The following TMED5 variants were observed in gnomAD, a reference collection of about 807,000 sequenced individuals.
TMED5 encodes the protein transmembrane p24 trafficking protein 5.
In TMED5, 27 loss-of-function variants were observed where a neutral mutation model predicts 23.0. That is an observed-to-expected ratio of 1.17 (90% confidence interval 0.86 to 1.62). The LOEUF is 1.62. Ranked by LOEUF, TMED5 falls within the 40% of genes most tolerant of loss-of-function variation. The probability of loss-of-function intolerance (pLI) is 0.00; values close to 1 mark genes in which losing one functional copy is unlikely to be tolerated. For missense variants in TMED5, 248 were observed against 273.7 expected, an observed-to-expected ratio of 0.91 and a Z score of 0.66; for synonymous variants, 97 against 100.8, an observed-to-expected ratio of 0.96 and a Z score of 0.23.
intron 1 of TMED5, chr1:93,160,930 T>C (rs559551880): frequency 1.3e-5 from 2 of 151,468 alleles, no homozygotes; most frequent in Admixed American, 1.3e-4. Flanking sequence ...TAATTAACTG[T>C]TTCTTAGCCT....
intron 1 of TMED5, among the ~76,000 whole-genome samples, chr1:93,168,226 G>T (rs1254782439): frequency 6.6e-6 from 1 of 152,110 alleles, no homozygotes. Flanking sequence ...AGGGGGGAAA[G>T]ATGTAAAAAG....
rs949866437 is a variant in TMED5, at chr1:93,150,653, TTC to T, written c.*4015_*4016del. 2 of 152,234 alleles carry T rather than the reference TTC, an allele frequency of 1.3e-5. No individual in the cohort carries two copies. The highest frequency in any genetic ancestry group is 2.9e-5 in the Non-Finnish European group (2 of 68,042). The allele number at this position is 152,234 out of a possible 1,614,324, so 9.4% of individuals were successfully genotyped here. A position where few individuals can be genotyped will look rare whatever the true frequency, so the allele number is the denominator to read the frequency against. On this transcript the variant is annotated 3_prime_UTR_variant, in exon 4 of 4. Transcript: ENST00000370282. ...TTTATCATTTGGAACTGTCTTTTCT[TTC>T]TGCAATGGTATTACGTGTCCTTTTA...
intron 1 of TMED5, among the ~76,000 whole-genome samples, chr1:93,174,505 C>T (rs1031062922): frequency 2.0e-5 from 3 of 152,046 alleles, no homozygotes; most frequent in Admixed American, 6.6e-5. Context: ...TTATTTTAGG[C>T]TTGGGGATAC....
intron 1 of TMED5, among the ~76,000 whole-genome samples, chr1:93,173,659 A>ATTC (rs1427565412): frequency 3.2e-4 from 48 of 152,364 alleles, no homozygotes; most frequent in African/African-American, 1.1e-3. Context: ...CAATTCTTTA[A>ATTC]GAAAAGTCAA....
In TMED5 at chr1:93,151,595, A is replaced by G. The variant is rs1647875240; in HGVS notation, c.*3075T>C. On this transcript the variant is annotated 3_prime_UTR_variant, in exon 4 of 4. Coordinates refer to ENST00000370282, the MANE Select transcript of TMED5 (RefSeq NM_016040.5). ...CCTGGGTGCTTATTTAGCATACCAA[A>G]CTTTAAGAACTGATTATCTTTCCTT... 6.6e-6 allele frequency: 1 copy of G among 152,196 alleles called. No homozygotes were observed. The highest frequency in any genetic ancestry group is 6.5e-5 in the Admixed American group (1 of 15,282). The allele number at this position is 152,196 out of a possible 1,614,324, so 9.4% of individuals were successfully genotyped here.
Position 93,154,352 on chromosome 1 carries a change from A to C in TMED5, c.*318T>G. ...TTAAAAACAGACTGGTGTTGCAATTAGGCCCAATACTCATTTATTTAAATC... is the reference window on the plus strand; with the variant it reads ...TTAAAAACAGACTGGTGTTGCAATTCGGCCCAATACTCATTTATTTAAATC... On this transcript the variant is annotated 3_prime_UTR_variant, in exon 4 of 4. Transcript: ENST00000370282. 2.2e-5 allele frequency: 5 copies of C among 225,548 alleles called. No homozygotes were observed. The highest frequency in any genetic ancestry group is 5.5e-5 in the Admixed American group (1 of 18,050). 14.0% of individuals were successfully genotyped at this position (225,548 alleles called of 1,614,324 possible).
intron 1 of TMED5, 74 bp downstream of exon 1, chr1:93,179,980 T>G: frequency 6.8e-7 from 1 of 1,466,088 alleles, no homozygotes; most frequent in South Asian, 1.3e-5. Context: ...ACCAGAAGTT[T>G]CTAAACGGGT....
At chr1:93,172,437 AAATAC>A (rs1648761940) in intron 1 of TMED5, among the ~76,000 whole-genome samples, 1 of 152,152 alleles carries the variant, frequency 6.6e-6, no homozygotes, top group Non-Finnish European at 1.5e-5. Context: ...TGGGAATAAA[AAATAC>A]AATACCATTT....
At chr1:93,156,067 T>C in intron 3 of TMED5, 1 of 1,474,916 alleles carries the variant, frequency 6.8e-7, no homozygotes. Context: ...CATCTGAAGC[T>C]ATTTTTATAA....
In TMED5 at chr1:93,180,266, GA is replaced by G; in HGVS notation, c.-25del. On this transcript the variant is annotated 5_prime_UTR_variant, in exon 1 of 4. Coordinates refer to ENST00000370282, the MANE Select transcript of TMED5 (RefSeq NM_016040.5). ...ATCCCTGCTGGGGCGATCCCGGGCT[GA>G]AAGAGGCGTCAGGTACTGTTGTCTC... The G allele has an allele frequency of 6.3e-7, 1 of 1,592,416 alleles. No individual in the cohort carries two copies.
chr1:93,174,735 C>T (rs1233985671), intron 1 of TMED5, among the ~76,000 whole-genome samples: 4 of 152,090 alleles, frequency 2.6e-5, no homozygotes, highest in Non-Finnish European at 5.9e-5. Flanking sequence ...AGTGAGAACA[C>T]GTGGTATTTA....
chr1:93,159,691 T>C (rs1023420864), intron 2 of TMED5, among the ~76,000 whole-genome samples: 1 of 151,886 alleles, frequency 6.6e-6, no homozygotes, highest in East Asian at 1.9e-4. Flanking sequence ...AAAAAAAAAT[T>C]TACGTACACA....
chr1:93,155,587 G>T lies in TMED5; in HGVS notation c.472-699C>A, dbSNP rs562458842. On this transcript the variant is annotated intron_variant, in intron 3 of 3. Transcript: ENST00000370282. The stretch of plus-strand genomic sequence containing the variant: ...TGGAGTTTGCCTAGGCACAATCTCG[G>T]CTCATTGCAACCTGAGACTGTGCCT... 4.7e-5 allele frequency among the ~76,000 whole-genome samples: 7 copies of T among 148,872 alleles called. No individual in the cohort carries two copies. In the South Asian group the frequency reaches 1.5e-3, roughly 32 times the overall value.
chr1:93,170,119 C>T (rs1648659153), intron 1 of TMED5, among the ~76,000 whole-genome samples: 1 of 152,210 alleles, frequency 6.6e-6, no homozygotes, highest in Admixed American at 6.5e-5. Context: ...ATGCTGGCAG[C>T]CCTGGCTCGC....
intron 3 of TMED5, chr1:93,155,918 C>T: frequency 3.8e-6 from 2 of 526,598 alleles, no homozygotes; most frequent in East Asian, 3.2e-5. Context: ...GTTTTAATAC[C>T]ACAAAATAGT....
chr1:93,177,735 G>T (rs1648970630), intron 1 of TMED5, among the ~76,000 whole-genome samples: 1 of 152,026 alleles, frequency 6.6e-6, no homozygotes, highest in Non-Finnish European at 1.5e-5. Context: ...TGTCAGGGAT[G>T]ATCTATGAGC....
chr1:93,158,015 TCAGGAGGCCGAGG>T (rs1463821918), intron 2 of TMED5, among the ~76,000 whole-genome samples: 6 of 149,864 alleles, frequency 4.0e-5, no homozygotes, highest in Non-Finnish European at 7.4e-5. Context: ...TCCCAGCTAC[TCAGGAGGCCGAGG>T]CAGGAGAATG....
Position 93,180,359 on chromosome 1 carries a change from G to C in TMED5, c.-117C>G. ...AAATCTGGAGTCTGAAGAAACTCCA[G>C]GTGGCGGCCGCGGCGGCGGCGAACA... On this transcript the variant is annotated 5_prime_UTR_variant, in exon 1 of 4. Transcript: ENST00000370282. 2 of 1,347,394 alleles carry C rather than the reference G, an allele frequency of 1.5e-6. No individual in the cohort carries two copies. The highest frequency in any genetic ancestry group is 2.0e-6 in the Non-Finnish European group (2 of 997,704). The allele number at this position is 1,347,394 out of a possible 1,614,324, so 83.5% of individuals were successfully genotyped here. A position where few individuals can be genotyped will look rare whatever the true frequency, so the allele number is the denominator to read the frequency against.
chr1:93,160,288 A>T (rs1648222520), intron 1 of TMED5, 62 bp from the exon 2 acceptor site: 2 of 938,184 alleles, frequency 2.1e-6, no homozygotes, highest in Non-Finnish European at 3.4e-6. Flanking sequence ...AAAATTATAT[A>T]CAGTAGATCA....
Sources: allele counts gnomAD v4.1 joint callset (sites outside exome capture counted in the v4.1 genomes callset), GRCh38; gene constraint gnomAD v4.1.1; transcripts MANE v1.5; gene names NCBI Gene and HGNC (gene_info 2026-07-23, HGNC 2026-07-21).